The following COLEC12 variants were observed in gnomAD, a reference collection of about 807,000 sequenced individuals.
COLEC12 encodes the protein collectin subfamily member 12.
In COLEC12, 33 loss-of-function variants were observed where a neutral mutation model predicts 71.1. The observed-to-expected ratio is 0.46, with a 90% CI of 0.35 to 0.62. The LOEUF is 0.62. Among genes scored for constraint, COLEC12 ranks in the 20% least tolerant of loss-of-function variants. COLEC12 has a pLI of 0.00. For missense variants in COLEC12, 765 were observed against 916.1 expected, an observed-to-expected ratio of 0.84 and a Z score of 2.13; for synonymous variants, 350 against 353.0, an observed-to-expected ratio of 0.99 and a Z score of 0.10.
At chr18:337,669 T>A (rs1426872190) in intron 5 of COLEC12, among the ~76,000 whole-genome samples, 1 of 152,220 alleles carries the variant, frequency 6.6e-6, no homozygotes, top group Non-Finnish European at 1.5e-5. Flanking sequence ...CCACAGCTCC[T>A]GTTGACTCCT....
intron 3 of COLEC12, among the ~76,000 whole-genome samples, chr18:352,489 G>A (rs1278436196): frequency 6.6e-6 from 1 of 152,082 alleles, no homozygotes; most frequent in Non-Finnish European, 1.5e-5. Flanking sequence ...AAATACAAAA[G>A]GGATAAATAC....
chr18:328,880 C>T (rs1159398860), intron 8 of COLEC12, among the ~76,000 whole-genome samples: 2 of 152,204 alleles, frequency 1.3e-5, no homozygotes, highest in Non-Finnish European at 2.9e-5. Context: ...TTTATTATTA[C>T]ATGTCAAATT....
In COLEC12 at chr18:334,806, G is replaced by T; in HGVS notation, c.1752C>A (p.Gly584=). The T allele has an allele frequency of 6.6e-7, 1 of 1,512,062 alleles. No homozygotes were observed. The highest frequency in any genetic ancestry group is 8.8e-7 in the Non-Finnish European group (1 of 1,137,480). 93.7% of individuals were successfully genotyped at this position (1,512,062 alleles called of 1,614,324 possible). A position where few individuals can be genotyped will look rare whatever the true frequency, so the allele number is the denominator to read the frequency against. The change falls in exon 6 of 10, where the codon GGC becomes GGA. Residue 584 remains glycine (G), a synonymous_variant. Coordinates refer to ENST00000400256, the MANE Select transcript of COLEC12 (RefSeq NM_130386.3). ...PGPKGPPGPP[G]PSGAVVPLAL... Reference sequence around the variant, plus strand: ...CCAGGGGCACCACCGCTCCTGATGGGCCAGGAGGGCCGGGGGGGCCCTTGG... The same window carrying T: ...CCAGGGGCACCACCGCTCCTGATGGTCCAGGAGGGCCGGGGGGGCCCTTGG...
chr18:353,933 A>C (rs1250735618), intron 3 of COLEC12, among the ~76,000 whole-genome samples: 1 of 152,246 alleles, frequency 6.6e-6, no homozygotes, highest in Non-Finnish European at 1.5e-5. Flanking sequence ...CTAAATAGTA[A>C]TCCAGTTGTA....
At chr18:373,732 C>G (rs1294707039) in intron 2 of COLEC12, among the ~76,000 whole-genome samples, 1 of 152,066 alleles carries the variant, frequency 6.6e-6, no homozygotes, top group Non-Finnish European at 1.5e-5. Flanking sequence ...CCCCCCACCT[C>G]CCCCCAAGAA....
At chr18:469,599 T>C (rs1301541789) in intron 2 of COLEC12, among the ~76,000 whole-genome samples, 1 of 152,194 alleles carries the variant, frequency 6.6e-6, no homozygotes, top group African/African-American at 2.4e-5. Flanking sequence ...AGGGAACTGC[T>C]GAAGGCCTGC....
chr18:471,861 T>C (rs1240722771), intron 2 of COLEC12, among the ~76,000 whole-genome samples: 1 of 152,068 alleles, frequency 6.6e-6, no homozygotes, highest in Non-Finnish European at 1.5e-5. Flanking sequence ...ACATAACTAA[T>C]TTCGAAAAGG....
intron 2 of COLEC12, among the ~76,000 whole-genome samples, chr18:454,434 C>A (rs1245440371): frequency 6.6e-6 from 1 of 152,206 alleles, no homozygotes; most frequent in Non-Finnish European, 1.5e-5. Context: ...GTAATCCCAG[C>A]TCTTTGGGAG....
chr18:345,329 T>G (rs1343161460), intron 5 of COLEC12, among the ~76,000 whole-genome samples: 3 of 152,248 alleles, frequency 2.0e-5, no homozygotes, highest in Non-Finnish European at 4.4e-5. Flanking sequence ...TTAATTTATA[T>G]GGATGATCTG....
intron 2 of COLEC12, among the ~76,000 whole-genome samples, chr18:359,849 A>C (rs1262205977): frequency 6.6e-6 from 1 of 152,270 alleles, no homozygotes; most frequent in Admixed American, 6.5e-5. Flanking sequence ...ATTAAGCCAC[A>C]GTTGAAGTTT....
chr18:414,876 T>G (rs10459986), intron 2 of COLEC12, among the ~76,000 whole-genome samples: 49,345 of 151,974 alleles, frequency 0.32, 8,611 homozygotes, highest in South Asian at 0.55. Context: ...CATTTGTGAG[T>G]GTGGCCAAGA....
intron 2 of COLEC12, among the ~76,000 whole-genome samples, chr18:375,945 A>G (rs1915104752): frequency 6.6e-6 from 1 of 152,204 alleles, no homozygotes; most frequent in Non-Finnish European, 1.5e-5. Context: ...TTTGTTTTAA[A>G]TTTTATGATG....
chr18:331,040 C>A (rs1228434868), intron 8 of COLEC12, among the ~76,000 whole-genome samples: 2 of 150,972 alleles, frequency 1.3e-5, no homozygotes, highest in Non-Finnish European at 2.9e-5. Context: ...CCACCATATC[C>A]GGCTAATTTT....
intron 2 of COLEC12, among the ~76,000 whole-genome samples, chr18:389,440 G>A (rs950316557): frequency 5.3e-5 from 8 of 151,640 alleles, no homozygotes; most frequent in African/African-American, 1.2e-4. Context: ...CACCATGCTC[G>A]GCTAATTTTT....
At chr18:489,675 T>G in intron 1 of COLEC12, among the ~76,000 whole-genome samples, 1 of 152,152 alleles carries the variant, frequency 6.6e-6, no homozygotes, top group East Asian at 1.9e-4. Context: ...AACAAAAAGC[T>G]ATGCAAGAAA....
In COLEC12 at chr18:437,953, A is replaced by C. The variant is rs146025216; in HGVS notation, c.58+42754T>G. Among the ~76,000 whole-genome samples the C allele has an allele frequency of 2.8e-3, 433 of 152,354 alleles. 2 individuals are homozygous for C. The highest frequency in any genetic ancestry group is 6.8e-3 in the Middle Eastern group (2 of 294). The stretch of plus-strand genomic sequence containing the variant: ...CTCATAGCACACATAGTTCCAAAGA[A>C]ATAGACTTTTTAGAAATTTATAGGC... On this transcript the variant is annotated intron_variant, in intron 2 of 9. Transcript: ENST00000400256.
chr18:431,767 C>T (rs1005403632), intron 2 of COLEC12, among the ~76,000 whole-genome samples: 3 of 152,140 alleles, frequency 2.0e-5, no homozygotes, highest in African/African-American at 7.2e-5. Context: ...TTCCCTTCAA[C>T]ACATAGTATG....
chr18:444,054 G>A (rs900740650), intron 2 of COLEC12, among the ~76,000 whole-genome samples: 5 of 152,134 alleles, frequency 3.3e-5, no homozygotes, highest in Non-Finnish European at 5.9e-5. Flanking sequence ...GTACAACCAT[G>A]AGCCAATTAA....
chr18:435,007 C>T (rs1312638973), intron 2 of COLEC12, among the ~76,000 whole-genome samples: 1 of 152,176 alleles, frequency 6.6e-6, no homozygotes, highest in African/African-American at 2.4e-5. Flanking sequence ...GTTATCACAA[C>T]AACTTTCCTG....
Sources: allele counts gnomAD v4.1 joint callset (sites outside exome capture counted in the v4.1 genomes callset), GRCh38; gene constraint gnomAD v4.1.1; transcripts MANE v1.5; gene names NCBI Gene and HGNC (gene_info 2026-07-23, HGNC 2026-07-21).